SEC16A: variants seen among roughly 807,000 people sequenced by gnomAD.
The protein encoded by SEC16A is protein transport protein Sec16A.
A neutral mutation model predicts 221.9 loss-of-function variants in SEC16A; 110 were observed. The ratio of observed to expected loss-of-function variants is 0.50; its 90% CI spans 0.42 to 0.58. SEC16A has a LOEUF of 0.58. Among genes scored for constraint, SEC16A ranks in the 20% least tolerant of loss-of-function variants. SEC16A has a pLI of 0.00. For missense variants in SEC16A, 3,165 were observed against 3,097.8 expected (o/e 1.02, Z -0.52); for synonymous variants, 1,393 against 1,257.7 (o/e 1.11, Z -2.28).
intron 17 of SEC16A, among the ~76,000 whole-genome samples, chr9:136,458,234 G>T (rs1364578915): frequency 1.3e-5 from 2 of 150,398 alleles, no homozygotes; most frequent in East Asian, 3.9e-4. Flanking sequence ...CTCCTAAAGT[G>T]CTGGGATTAC....
Position 136,441,208 on chromosome 9 carries a change from G to C in SEC16A, c.*547C>G, listed in dbSNP as rs1322409365. 6.5e-6 allele frequency: 1 copy of C among 154,184 alleles called. No homozygotes were observed. The highest frequency in any genetic ancestry group is 1.4e-5 in the Non-Finnish European group (1 of 69,098). The allele number at this position is 154,184 out of a possible 1,614,324, so 9.6% of individuals were successfully genotyped here. A position where few individuals can be genotyped will look rare whatever the true frequency, so the allele number is the denominator to read the frequency against. ...AACCCCACGGCTCCTCGGAGGCGCT[G>C]ATTGAGAACACAGCGCCCTCCACTC... On this transcript the variant is annotated 3_prime_UTR_variant, in exon 32 of 32. Transcript: ENST00000684901.
intron 2 of SEC16A, among the ~76,000 whole-genome samples, chr9:136,477,989 G>A (rs528445484): frequency 8.5e-5 from 13 of 152,212 alleles, no homozygotes; most frequent in African/African-American, 3.1e-4. Context: ...GCAGACCCGC[G>A]CCACAACAAC....
intron 19 of SEC16A, 115 bp from the exon 20 acceptor site, chr9:136,455,908 G>T (rs1838588149): frequency 1.6e-6 from 2 of 1,233,238 alleles, no homozygotes; most frequent in African/African-American, 3.0e-5. Context: ...GGCACTCAAA[G>T]CCCTTTCTGG....
Position 136,440,774 on chromosome 9 carries a change from A to G in SEC16A, c.*981T>C, listed in dbSNP as rs1012137152. ...TAAGATACTCTCCCCAAGTGCTACC[A>G]ACCTCTGAACCAACGTCCCCCAGGG... On this transcript the variant is annotated 3_prime_UTR_variant, in exon 32 of 32. Coordinates refer to ENST00000684901, the MANE Select transcript of SEC16A (RefSeq NM_014866.2). The G allele has an allele frequency of 3.3e-5, 5 of 152,450 alleles. No homozygotes were observed. The highest frequency in any genetic ancestry group is 6.5e-5 in the Admixed American group (1 of 15,292). The allele number at this position is 152,450 out of a possible 1,614,324, so 9.4% of individuals were successfully genotyped here.
At position 136,467,735 on chromosome 9, in the gene SEC16A, GTCTTT is replaced by G. The variant is rs566834879; in HGVS notation, c.3803-657_3803-653del. Among the ~76,000 whole-genome samples the G allele has an allele frequency of 5.9e-4, 90 of 152,306 alleles. No individual in the cohort carries two copies. In the South Asian group the frequency reaches 0.015, roughly 26 times the overall value. ...GTCTTTTATCATCTTTTCTAAAGAT[GTCTTT>G]TCTTTTTTAAATTTATATTTAAAAC... On this transcript the variant is annotated intron_variant, in intron 5 of 31. Transcript: ENST00000684901.
At chr9:136,468,628 C>A in intron 4 of SEC16A, 116 bp from the exon 5 acceptor site, 3 of 623,422 alleles carry the variant, frequency 4.8e-6, no homozygotes, top group Admixed American at 5.8e-5. Context: ...TTTGGTTGTA[C>A]AAAAATTCCA....
At position 136,477,641 on chromosome 9, in the gene SEC16A, C is replaced by T. The variant is rs756958344; in HGVS notation, c.-26G>A. ...GACTGAACCCTTGCACAAGTCGATG[C>T]TGCTTACAGAAGGAAGCAGGATATA... On this transcript the variant is annotated 5_prime_UTR_variant, in exon 3 of 32. Coordinates refer to ENST00000684901, the MANE Select transcript of SEC16A (RefSeq NM_014866.2). 2 of 1,572,918 alleles carry T rather than the reference C, an allele frequency of 1.3e-6. No homozygotes were observed. The highest frequency in any genetic ancestry group is 4.5e-5 in the East Asian group (2 of 44,114).
rs1421703046 is a variant in SEC16A, at chr9:136,445,711, G to A, written c.6801C>T (p.Ser2267=). 6 of 1,553,114 alleles carry A rather than the reference G, an allele frequency of 3.9e-6. No homozygotes were observed. Among genetic ancestry groups the A allele is most frequent in the Middle Eastern group, 1.7e-4 (1 of 5,986 alleles). ...CAGAGCCAGGGAGTGACGCTGCAGAGCTTAAAACCTGCCGAGGAAAAGAAG... is the reference window on the plus strand; with the variant it reads ...CAGAGCCAGGGAGTGACGCTGCAGAACTTAAAACCTGCCGAGGAAAAGAAG... ...PEPAPEPKVL[S]SAASLPGSEL... Residue 2267 remains serine (S), a synonymous_variant, in exon 29 of 32, where the codon AGC becomes AGT. Coordinates refer to ENST00000684901, the MANE Select transcript of SEC16A (RefSeq NM_014866.2).
At chr9:136,477,784 TTA>T (rs1589018302) in intron 2 of SEC16A, 100 bp from the exon 3 acceptor site, 1 of 1,202,532 alleles carries the variant, frequency 8.3e-7, no homozygotes, top group Non-Finnish European at 1.1e-6. Flanking sequence ...GAACATGATT[TTA>T]TGTCACTTAA....
At chr9:136,450,805 C>T (rs940145684) in intron 23 of SEC16A, among the ~76,000 whole-genome samples, 1 of 152,204 alleles carries the variant, frequency 6.6e-6, no homozygotes, top group Non-Finnish European at 1.5e-5. Flanking sequence ...ACCCTCAGCT[C>T]CTTGGCACGC....
In SEC16A at chr9:136,441,494, A is replaced by G. The variant is rs1282103611; in HGVS notation, c.*261T>C. The G allele has an allele frequency of 5.5e-6, 3 of 542,508 alleles. No individual in the cohort carries two copies. The highest frequency in any genetic ancestry group is 1.0e-5 in the Non-Finnish European group (3 of 299,568). The allele number at this position is 542,508 out of a possible 1,614,324, so 33.6% of individuals were successfully genotyped here. Reference sequence around the variant, plus strand: ...ATCCTTAAATCATCCTAAATGACTAAGAAAGTCACATCATTCTTTTCGGCA... The same window carrying G: ...ATCCTTAAATCATCCTAAATGACTAGGAAAGTCACATCATTCTTTTCGGCA... On this transcript the variant is annotated 3_prime_UTR_variant, in exon 32 of 32. Transcript: ENST00000684901.
intron 13 of SEC16A, 57 bp downstream of exon 13, chr9:136,461,120 C>T (rs1224129947): frequency 2.3e-5 from 32 of 1,387,710 alleles, no homozygotes; most frequent in Non-Finnish European, 3.2e-5. Flanking sequence ...GCGGACGCCG[C>T]GTGCTACAGG....
At position 136,446,451 on chromosome 9, in the gene SEC16A, G is replaced by GT. The variant is rs564269065; in HGVS notation, c.6792+403dup. On this transcript the variant is annotated intron_variant, in intron 28 of 31. Coordinates refer to ENST00000684901, the MANE Select transcript of SEC16A (RefSeq NM_014866.2). ...TTCACATGGGAGTCATTTGTTTTTT[G>GT]TTTTTTTTTTTTGGATGAAAATATA... is the stretch of plus-strand genomic sequence containing the variant. Among the ~76,000 whole-genome samples the GT allele has an allele frequency of 2.3e-3, 298 of 130,654 alleles. 2 individuals are homozygous for GT. The highest frequency in any genetic ancestry group is 2.7e-3 in the African/African-American group (95 of 35,744). 85.7% of individuals were successfully genotyped at this position (130,654 alleles called of 152,430 possible). A position where few individuals can be genotyped will look rare whatever the true frequency, so the allele number is the denominator to read the frequency against.
At position 136,441,708 on chromosome 9, in the gene SEC16A, G is replaced by A; in HGVS notation, c.*47C>T. ...GGAGGTCGGTCGGGTTCTTCGGGGA[G>A]AACAGCAGCGTCAGGGCTCCAAGTG... is the stretch of plus-strand genomic sequence containing the variant. On this transcript the variant is annotated 3_prime_UTR_variant, in exon 32 of 32. Coordinates refer to ENST00000684901, the MANE Select transcript of SEC16A (RefSeq NM_014866.2). 1 of 1,577,372 alleles carries A rather than the reference G, an allele frequency of 6.3e-7. No individual in the cohort carries two copies. Among genetic ancestry groups the A allele is most frequent in the Non-Finnish European group, 8.7e-7 (1 of 1,147,554 alleles).
intron 8 of SEC16A, among the ~76,000 whole-genome samples, chr9:136,465,288 T>C (rs1839998889): frequency 6.6e-6 from 1 of 152,112 alleles, no homozygotes; most frequent in Non-Finnish European, 1.5e-5. Flanking sequence ...CCATCTCTAC[T>C]AAAAATACAA....
At chr9:136,449,242 C>T (rs911175825) in intron 23 of SEC16A, among the ~76,000 whole-genome samples, 1 of 152,062 alleles carries the variant, frequency 6.6e-6, no homozygotes, top group Non-Finnish European at 1.5e-5. Flanking sequence ...TCACATGATG[C>T]ACTTCATTTT....
intron 3 of SEC16A, among the ~76,000 whole-genome samples, chr9:136,472,706 CAT>C (rs1186862158): frequency 8.5e-5 from 13 of 152,240 alleles, no homozygotes. Context: ...CATGTGGACA[CAT>C]GAGGATCTGA....
At chr9:136,472,196 G>A in intron 3 of SEC16A, 85 bp from the exon 4 acceptor site, 1 of 1,542,254 alleles carries the variant, frequency 6.5e-7, no homozygotes, top group South Asian at 1.1e-5. Context: ...AAACATTGCA[G>A]AGGGCGGGCA....
Position 136,466,409 on chromosome 9 carries a change from A to C in SEC16A, c.3983T>G (p.Phe1328Cys). Residue 1328 changes from phenylalanine to cysteine, a missense_variant, in exon 7 of 32, where the codon TTT becomes TGT. Phe to Cys is a radical substitution (Grantham distance 205). Transcript: ENST00000684901. This position sits in a 1 kb window ranked among gnomAD's most constrained non-coding sequence, Gnocchi z 5.5. Reference sequence around the variant, plus strand: ...TCTGTGCGGATCGGGGTCATCGTCAAAACTCCCCGTGAAGCGAGGATCGTA... The same window carrying C: ...TCTGTGCGGATCGGGGTCATCGTCACAACTCCCCGTGAAGCGAGGATCGTA... ...WRYDPRFTGS[F>C]DDDPDPHRDP... 1 of 1,606,968 alleles carries C rather than the reference A, an allele frequency of 6.2e-7. No homozygotes were observed. The highest frequency in any genetic ancestry group is 8.5e-7 in the Non-Finnish European group (1 of 1,176,990).
Sources: gnomAD v4.1 joint callset for allele counts (sites outside exome capture counted in the v4.1 genomes callset) on GRCh38, gnomAD v4.1.1 for gene constraint, Gnocchi (gnomAD v3.1) non-coding constraint, MANE v1.5 for transcripts, NCBI Gene and HGNC (gene_info 2026-07-23, HGNC 2026-07-21) for gene names.